Variants in SPATS2L observed in about 807,000 individuals in gnomAD.
The protein encoded by SPATS2L is SPATS2-like protein.
In SPATS2L, 30 loss-of-function variants were observed where a neutral mutation model predicts 59.6. The observed-to-expected ratio is 0.50, with a 90% CI of 0.38 to 0.68. The LOEUF (loss-of-function observed/expected upper bound fraction) is 0.68. Ranked by LOEUF, SPATS2L falls within the 30% of genes least tolerant of loss-of-function variation. The probability of loss-of-function intolerance (pLI) is 0.00; values close to 1 mark genes in which losing one functional copy is unlikely to be tolerated. For synonymous variants in SPATS2L, 252 were observed against 263.5 expected (o/e 0.96, Z 0.42); for missense variants, 615 against 700.0 (o/e 0.88, Z 1.37).
intron 3 of SPATS2L, among the ~76,000 whole-genome samples, chr2:200,411,295 A>G (rs886330709): frequency 2.6e-5 from 4 of 152,172 alleles, no homozygotes; most frequent in Admixed American, 6.5e-5. Context: ...TGTTCAATGA[A>G]ATGTTCTGGT....
At chr2:200,388,616 C>T (rs1174465140) in intron 2 of SPATS2L, among the ~76,000 whole-genome samples, 1 of 148,604 alleles carries the variant, frequency 6.7e-6, no homozygotes. Flanking sequence ...TGAGATGCCC[C>T]CCCCCCACCC....
intron 1 of SPATS2L, among the ~76,000 whole-genome samples, chr2:200,312,993 C>T (rs540072027): frequency 2.0e-5 from 3 of 152,192 alleles, no homozygotes; most frequent in Non-Finnish European, 4.4e-5. Context: ...GGATTATACA[C>T]CCTTATTGGA....
intron 3 of SPATS2L, among the ~76,000 whole-genome samples, chr2:200,404,291 G>A (rs2082622222): frequency 6.6e-6 from 1 of 152,162 alleles, no homozygotes; most frequent in African/African-American, 2.4e-5. Flanking sequence ...TGAAAGATAG[G>A]GGAACCTGTC....
At chr2:200,419,541 A>G (rs2083220048) in intron 6 of SPATS2L, 45 bp downstream of exon 6, 2 of 1,603,948 alleles carry the variant, frequency 1.2e-6, no homozygotes, top group East Asian at 2.2e-5. Context: ...CATAGATGAA[A>G]AGAGCACAAA....
intron 2 of SPATS2L, among the ~76,000 whole-genome samples, chr2:200,347,251 A>T (rs562620288): frequency 6.6e-6 from 1 of 152,260 alleles, no homozygotes; most frequent in Admixed American, 6.5e-5. Context: ...ATTCAAAGGG[A>T]TAATGTCCCC....
At chr2:200,361,203 T>C (rs2081095498) in intron 2 of SPATS2L, among the ~76,000 whole-genome samples, 1 of 151,922 alleles carries the variant, frequency 6.6e-6, no homozygotes, top group South Asian at 2.1e-4. Context: ...AAGCATGTGG[T>C]CATGAGAAAT....
At position 200,481,006 on chromosome 2, in the gene SPATS2L, C is replaced by T. The variant is rs2087763096; in HGVS notation, c.*2975C>T. 2 of 152,230 alleles carry T rather than the reference C, an allele frequency of 1.3e-5. No homozygotes were observed. Among genetic ancestry groups the T allele is most frequent in the Admixed American group, 6.5e-5 (1 of 15,284 alleles). The allele number at this position is 152,230 out of a possible 1,614,324, so 9.4% of individuals were successfully genotyped here. ...GTGGCACTTAGATCTTCCACCAAGA[C>T]TTCATCCGTGAAATCCACACCTCCC... On this transcript the variant is annotated 3_prime_UTR_variant, in exon 13 of 13. Transcript: ENST00000409140.
intron 1 of SPATS2L, among the ~76,000 whole-genome samples, chr2:200,326,482 C>T (rs1010374195): frequency 1.3e-5 from 2 of 152,302 alleles, no homozygotes; most frequent in African/African-American, 4.8e-5. Context: ...CTTAAGAAAG[C>T]TATTTATCCA....
chr2:200,378,177 C>A, intron 2 of SPATS2L: 1 of 991,434 alleles, frequency 1.0e-6, no homozygotes, highest in Non-Finnish European at 1.2e-6. Flanking sequence ...GATTACTCAG[C>A]CACGCCCAAG....
chr2:200,372,162 G>A lies in SPATS2L; in HGVS notation c.-22-17061G>A, dbSNP rs577353223. On this transcript the variant is annotated intron_variant, in intron 2 of 12. Transcript: ENST00000409140. Reference sequence around the variant, plus strand: ...ATGAGACCACTCTAGTTGCCTCATGGGAAACTCGGGAAAAGACTGCAAAAA... The same window carrying A: ...ATGAGACCACTCTAGTTGCCTCATGAGAAACTCGGGAAAAGACTGCAAAAA... 7.1e-6 allele frequency: 7 copies of A among 985,408 alleles called. No individual in the cohort carries two copies. In the South Asian group the frequency reaches 3.3e-4, roughly 46 times the overall value. The allele number at this position is 985,408 out of a possible 1,614,324, so 61.0% of individuals were successfully genotyped here. A position where few individuals can be genotyped will look rare whatever the true frequency, so the allele number is the denominator to read the frequency against.
At chr2:200,419,623 G>A in intron 6 of SPATS2L, 127 bp downstream of exon 6, 1 of 1,081,374 alleles carries the variant, frequency 9.2e-7, no homozygotes, top group Non-Finnish European at 1.3e-6. Flanking sequence ...GTACGATTCA[G>A]CCTTCCTGAA....
chr2:200,329,118 G>C (rs2079851019), intron 1 of SPATS2L, among the ~76,000 whole-genome samples: 1 of 152,208 alleles, frequency 6.6e-6, no homozygotes, highest in Non-Finnish European at 1.5e-5. Flanking sequence ...ATAAATGTTA[G>C]CTGTTGTTGG....
chr2:200,402,756 AT>A (rs1307113474), intron 3 of SPATS2L, among the ~76,000 whole-genome samples: 2 of 152,226 alleles, frequency 1.3e-5, no homozygotes, highest in African/African-American at 4.8e-5. Flanking sequence ...GTATTAAAAG[AT>A]TAATTTCAAC....
At chr2:200,387,834 TAA>T (rs2082039668) in intron 2 of SPATS2L, among the ~76,000 whole-genome samples, 1 of 152,224 alleles carries the variant, frequency 6.6e-6, no homozygotes, top group African/African-American at 2.4e-5. Flanking sequence ...TTTGTGCATT[TAA>T]GTCATTTATT....
chr2:200,318,480 G>A (rs2079452692), intron 1 of SPATS2L, among the ~76,000 whole-genome samples: 2 of 152,094 alleles, frequency 1.3e-5, no homozygotes, highest in African/African-American at 4.8e-5. Context: ...ATTTAGTGCT[G>A]GTTTGTAGCA....
At position 200,481,477 on chromosome 2, in the gene SPATS2L, G is replaced by A. The variant is rs2087773020; in HGVS notation, c.*3446G>A. The A allele has an allele frequency of 6.6e-6, 1 of 152,234 alleles. No individual in the cohort carries two copies. The highest frequency in any genetic ancestry group is 2.4e-5 in the African/African-American group (1 of 41,460). 9.4% of individuals were successfully genotyped at this position (152,234 alleles called of 1,614,324 possible). ...ATTCGGTGCTCCCCACCCCGACGCA[G>A]GCACAGGTCCGCAACCAGATAGGGA... On this transcript the variant is annotated 3_prime_UTR_variant, in exon 13 of 13. Coordinates refer to ENST00000409140, the MANE Select transcript of SPATS2L (RefSeq NM_001100423.2).
chr2:200,388,902 C>T (rs968799651), intron 2 of SPATS2L, among the ~76,000 whole-genome samples: 4 of 152,100 alleles, frequency 2.6e-5, no homozygotes, highest in Non-Finnish European at 2.9e-5. Flanking sequence ...AAAATAGGTA[C>T]GGTTTCCCTT....
chr2:200,335,052 A>C (rs2105805535), intron 2 of SPATS2L, among the ~76,000 whole-genome samples: 1 of 152,304 alleles, frequency 6.6e-6, no homozygotes, highest in East Asian at 1.9e-4. Context: ...CTGTGAAGAA[A>C]GTCATTGGTA....
At chr2:200,365,102 T>C (rs2081227100) in intron 2 of SPATS2L, among the ~76,000 whole-genome samples, 2 of 152,208 alleles carry the variant, frequency 1.3e-5, no homozygotes, top group African/African-American at 4.8e-5. Flanking sequence ...CTTTGCTGGG[T>C]CAGTCAGATT....
Sources: gnomAD v4.1 joint callset for allele counts (sites outside exome capture counted in the v4.1 genomes callset) on GRCh38, gnomAD v4.1.1 for gene constraint, MANE v1.5 for transcripts, NCBI Gene and HGNC (gene_info 2026-07-23, HGNC 2026-07-21) for gene names.